The following CECR2 variants were observed in gnomAD, a reference collection of about 807,000 sequenced individuals.
The protein encoded by CECR2 is chromatin remodeling regulator CECR2.
CECR2 carries 30 observed loss-of-function variants against 154.5 expected under a neutral mutation model. The observed-to-expected ratio is 0.19, with a 90% CI of 0.15 to 0.26. The LOEUF (loss-of-function observed/expected upper bound fraction) is 0.26. Ranked by LOEUF, CECR2 falls within the 10% of genes least tolerant of loss-of-function variation. CECR2 has a pLI of 1.00. For synonymous variants in CECR2, 725 were observed against 683.7 expected (o/e 1.06, Z -0.94); for missense variants, 1,743 against 1,829.3 (o/e 0.95, Z 0.86).
chr22:17,404,402 C>T, intron 1 of CECR2, among the ~76,000 whole-genome samples: 1 of 28,110 alleles, frequency 3.6e-5, no homozygotes. Flanking sequence ...GAGACGGAGT[C>T]TCGCTCTGTC....
chr22:17,532,198 T>G (rs1384339940), intron 9 of CECR2, among the ~76,000 whole-genome samples: 2 of 152,152 alleles, frequency 1.3e-5, no homozygotes, highest in Non-Finnish European at 2.9e-5. Flanking sequence ...GTGGGTTGCA[T>G]TTTGAATTTT....
rs1223769308 is a variant in CECR2 at position 17,404,364 on chromosome 22, CTTTCTTT to C, written c.126+34459_126+34465del. Among the ~76,000 whole-genome samples the C allele has an allele frequency of 2.2e-4, 13 of 59,626 alleles. 1 individual carries two copies. Among genetic ancestry groups the C allele is most frequent in the South Asian group, 1.0e-3 (2 of 2,004 alleles). 39.1% of individuals were successfully genotyped at this position (59,626 alleles called of 152,430 possible). A position where few individuals can be genotyped will look rare whatever the true frequency, so the allele number is the denominator to read the frequency against. On this transcript the variant is annotated intron_variant, in intron 1 of 18. Coordinates refer to ENST00000262608, the MANE Select transcript of CECR2 (RefSeq NM_001290047.2). The stretch of plus-strand genomic sequence containing the variant: ...TGTGGGTTCATTTCTGGACCCTGTT[CTTTCTTT>C]TTTTTTTTTTTTTTTTTTTTGAGAC...
intron 9 of CECR2, among the ~76,000 whole-genome samples, chr22:17,527,626 G>T (rs1400719224): frequency 6.6e-6 from 1 of 152,052 alleles, no homozygotes; most frequent in Non-Finnish European, 1.5e-5. Flanking sequence ...AATTAGCTAG[G>T]CATGGTGGCA....
chr22:17,509,114 G>A (rs972051366), intron 7 of CECR2, among the ~76,000 whole-genome samples: 3 of 152,196 alleles, frequency 2.0e-5, no homozygotes, highest in African/African-American at 7.2e-5. Flanking sequence ...AGTCAGGCAT[G>A]GTGATGGGTG....
At chr22:17,474,143 C>T (rs536339609) in intron 1 of CECR2, among the ~76,000 whole-genome samples, 1 of 152,252 alleles carries the variant, frequency 6.6e-6, no homozygotes, top group East Asian at 1.9e-4. Context: ...TTTACTGATT[C>T]TGCATTTTAA....
chr22:17,512,034 C>G, intron 8 of CECR2, 138 bp downstream of exon 8: 1 of 655,456 alleles, frequency 1.5e-6, no homozygotes, highest in East Asian at 2.7e-5. Flanking sequence ...CAATCTTATG[C>G]TTAAGATACA....
Position 17,449,257 on chromosome 22 carries a change from C to T in CECR2, c.127-28331C>T, listed in dbSNP as rs117826617. 4.9e-3 allele frequency among the ~76,000 whole-genome samples: 739 copies of T among 152,082 alleles called. 3 individuals are homozygous for T. Among genetic ancestry groups the T allele is most frequent in the Admixed American group, 7.5e-3 (114 of 15,290 alleles). ...AACCTCTGAAACTGTAGCAGAGGAC[C>T]GTGGCTTGAATACAAACTCTGCCTC... On this transcript the variant is annotated intron_variant, in intron 1 of 18. Transcript: ENST00000262608.
At chr22:17,362,127 C>T (rs2062980354) in intron 1 of CECR2, among the ~76,000 whole-genome samples, 1 of 152,168 alleles carries the variant, frequency 6.6e-6, no homozygotes, top group African/African-American at 2.4e-5. Context: ...ACTGCAACCT[C>T]TGTCTCCAGA....
In CECR2 at chr22:17,482,367, T is replaced by C. The variant is rs1366006768; in HGVS notation, c.221+4685T>C. 3.3e-5 allele frequency among the ~76,000 whole-genome samples: 5 copies of C among 151,360 alleles called. No homozygotes were observed. The East Asian group carries it at 5.9e-4, about 18-fold the overall frequency. The stretch of plus-strand genomic sequence containing the variant: ...TGAACCCAGGAGGCAGAGCTTGCAG[T>C]GAGCCAAGATCATGCCACCGTACTC... On this transcript the variant is annotated intron_variant, in intron 2 of 18. Coordinates refer to ENST00000262608, the MANE Select transcript of CECR2 (RefSeq NM_001290047.2).
intron 10 of CECR2, among the ~76,000 whole-genome samples, chr22:17,537,823 G>T (rs1044225953): frequency 6.6e-6 from 1 of 151,908 alleles, no homozygotes; most frequent in African/African-American, 2.4e-5. Flanking sequence ...TGAAACCCCC[G>T]TCTCTAATAA....
At chr22:17,503,641 A>G (rs1158402046) in intron 6 of CECR2, among the ~76,000 whole-genome samples, 2 of 152,206 alleles carry the variant, frequency 1.3e-5, no homozygotes, top group African/African-American at 4.8e-5. Context: ...GTGAATATCT[A>G]TCTTGTTAAA....
chr22:17,404,364 C>CTTTTTTTTTTTT lies in CECR2; in HGVS notation c.126+34458_126+34459insTTTTTTTTTTTT, dbSNP rs1209598318. Among the ~76,000 whole-genome samples the CTTTTTTTTTTTT allele has an allele frequency of 4.7e-3, 279 of 59,596 alleles. 62 individuals are homozygous for CTTTTTTTTTTTT. Among genetic ancestry groups the CTTTTTTTTTTTT allele is most frequent in the African/African-American group, 6.1e-3 (81 of 13,314 alleles). 39.1% of individuals were successfully genotyped at this position (59,596 alleles called of 152,430 possible). ...TGTGGGTTCATTTCTGGACCCTGTTCTTTCTTTTTTTTTTTTTTTTTTTTT... is the reference window on the plus strand; with the variant it reads ...TGTGGGTTCATTTCTGGACCCTGTTCTTTTTTTTTTTTTTTCTTTTTTTTTTTTTTTTTTTTT... On this transcript the variant is annotated intron_variant, in intron 1 of 18. Coordinates refer to ENST00000262608, the MANE Select transcript of CECR2 (RefSeq NM_001290047.2).
intron 1 of CECR2, among the ~76,000 whole-genome samples, chr22:17,463,430 A>G (rs1351239351): frequency 6.6e-6 from 1 of 152,178 alleles, no homozygotes; most frequent in Non-Finnish European, 1.5e-5. Flanking sequence ...AAGCTTTTAA[A>G]TGGATGAAGC....
chr22:17,385,730 A>G (rs1187793403), intron 1 of CECR2, among the ~76,000 whole-genome samples: 1 of 152,222 alleles, frequency 6.6e-6, no homozygotes, highest in East Asian at 1.9e-4. Context: ...TGCTACTCGC[A>G]GGGTCGGCAC....
intron 8 of CECR2, 66 bp from the exon 9 acceptor site, chr22:17,524,051 AC>A: frequency 8.0e-7 from 1 of 1,251,158 alleles, no homozygotes; most frequent in East Asian, 2.5e-5. Flanking sequence ...AATTCAATGA[AC>A]TGAGAGCAAA....
intron 3 of CECR2, 84 bp from the exon 4 acceptor site, chr22:17,499,326 G>T (rs2055693010): frequency 1.3e-6 from 2 of 1,508,496 alleles, no homozygotes; most frequent in South Asian, 2.5e-5. Flanking sequence ...ATGCTTACGT[G>T]TAAATTTGGA....
chr22:17,382,109 C>G (rs1192171837), intron 1 of CECR2, among the ~76,000 whole-genome samples: 1 of 151,052 alleles, frequency 6.6e-6, no homozygotes, highest in Admixed American at 6.6e-5. Flanking sequence ...CCAGGATGGT[C>G]TTGATCTCCT....
At chr22:17,370,986 C>A (rs2146436946) in intron 1 of CECR2, among the ~76,000 whole-genome samples, 1 of 152,208 alleles carries the variant, frequency 6.6e-6, no homozygotes, top group East Asian at 1.9e-4. Context: ...GGTTCGCCGA[C>A]GCAGTAATCA....
intron 2 of CECR2, among the ~76,000 whole-genome samples, chr22:17,491,962 G>A (rs1214368922): frequency 6.6e-6 from 1 of 152,086 alleles, no homozygotes; most frequent in Non-Finnish European, 1.5e-5. Flanking sequence ...GGATATAGTA[G>A]CTATTCTACA....
Sources: gnomAD v4.1 joint callset for allele counts (sites outside exome capture counted in the v4.1 genomes callset) on GRCh38, gnomAD v4.1.1 for gene constraint, MANE v1.5 for transcripts, NCBI Gene and HGNC (gene_info 2026-07-23, HGNC 2026-07-21) for gene names.